Variants in RAB20 observed in about 807,000 individuals in gnomAD.
The protein encoded by RAB20 is ras-related protein Rab-20.
Under a neutral mutation model 3.7 loss-of-function variants are expected in RAB20, and 2 were observed. The ratio of observed to expected loss-of-function variants is 0.54; its 90% CI spans 0.22 to 1.69. The LOEUF is 1.69. Among genes scored for constraint, RAB20 ranks in the 40% most tolerant of loss-of-function variants. The pLI is 0.19. For synonymous variants in RAB20, 126 were observed against 130.8 expected (o/e 0.96, Z 0.25); for missense variants, 276 against 311.9 (o/e 0.88, Z 0.87).
chr13:110,550,175 G>A (rs1044545497), intron 1 of RAB20, among the ~76,000 whole-genome samples: 1 of 152,152 alleles, frequency 6.6e-6, no homozygotes, highest in Admixed American at 6.5e-5. Flanking sequence ...TCACCCCCAT[G>A]CCACAAGGGC....
intron 1 of RAB20, among the ~76,000 whole-genome samples, chr13:110,550,594 C>T (rs35653645): frequency 0.017 from 2,574 of 152,292 alleles, 31 homozygotes; most frequent in Middle Eastern, 0.024. Context: ...CACCTTTGCT[C>T]ACAGGAGTTT....
rs1466179386 is a variant in RAB20, at chr13:110,561,382, C to T, written c.138G>A (p.Trp46Ter). ...TVGGAFYLKQWRSYNISIWDT... is the reference protein window; with the variant it reads ...TVGGAFYLKQ ...CCCAGATGGAGATGTTGTAGGAGCG[C>T]CACTGCTTCAGGTAGAAGGCGCCGC... is the stretch of plus-strand genomic sequence containing the variant. The change falls in exon 1 of 2, where the codon TGG (tryptophan) becomes TGA (stop). Residue 46 changes from tryptophan (W) to a stop codon, truncating the protein, a stop_gained. Transcript: ENST00000267328. LOFTEE classifies it low-confidence loss of function (END_TRUNC). 1.2e-6 allele frequency: 2 copies of T among 1,609,358 alleles called. No homozygotes were observed. The highest frequency in any genetic ancestry group is 1.7e-6 in the Non-Finnish European group (2 of 1,177,930).
At chr13:110,549,818 G>A (rs1266858227) in intron 1 of RAB20, among the ~76,000 whole-genome samples, 1 of 152,060 alleles carries the variant, frequency 6.6e-6, no homozygotes, top group Non-Finnish European at 1.5e-5. Context: ...CCGCCTCCTG[G>A]GTTCGAACGA....
intron 1 of RAB20, among the ~76,000 whole-genome samples, chr13:110,524,802 C>A (rs998530145): frequency 6.6e-6 from 1 of 152,132 alleles, no homozygotes; most frequent in South Asian, 2.1e-4. Context: ...GCGGTGCTCA[C>A]GATATTTTTA....
At chr13:110,534,990 C>T (rs1392295766) in intron 1 of RAB20, among the ~76,000 whole-genome samples, 4 of 140,082 alleles carry the variant, frequency 2.9e-5, no homozygotes, top group African/African-American at 8.3e-5. Context: ...TGTACCACCA[C>T]GCCTGGCTAA....
intron 1 of RAB20, among the ~76,000 whole-genome samples, chr13:110,543,839 G>A (rs1050315046): frequency 1.3e-5 from 2 of 149,822 alleles, no homozygotes; most frequent in East Asian, 2.0e-4. Context: ...ACAGTGGTGC[G>A]ATCTCGGCTC....
intron 1 of RAB20, among the ~76,000 whole-genome samples, chr13:110,540,997 A>G (rs771027828): frequency 2.0e-5 from 3 of 152,158 alleles, no homozygotes; most frequent in Non-Finnish European, 4.4e-5. Context: ...GTTAAAGTAC[A>G]GAATCTGGCT....
intron 1 of RAB20, among the ~76,000 whole-genome samples, chr13:110,559,695 G>T (rs1366930220): frequency 6.6e-6 from 1 of 152,230 alleles, no homozygotes; most frequent in African/African-American, 2.4e-5. Flanking sequence ...CCCCAGTAAC[G>T]CTTCAAGACA....
chr13:110,534,042 C>T (rs1337693325), intron 1 of RAB20, among the ~76,000 whole-genome samples: 2 of 152,226 alleles, frequency 1.3e-5, no homozygotes, highest in African/African-American at 2.4e-5. Flanking sequence ...GGTCGGGCCC[C>T]GGTGCCCAGC....
chr13:110,537,247 T>C (rs1454246771), intron 1 of RAB20, among the ~76,000 whole-genome samples: 2 of 151,746 alleles, frequency 1.3e-5, no homozygotes, highest in Non-Finnish European at 2.9e-5. Flanking sequence ...TCCTCCCACA[T>C]TGGCCTCCCA....
Position 110,561,351 on chromosome 13 carries a change from C to A in RAB20, c.169G>T (p.Ala57Ser). 6.2e-7 allele frequency: 1 copy of A among 1,600,324 alleles called. No individual in the cohort carries two copies. Among genetic ancestry groups the A allele is most frequent in the African/African-American group, 1.4e-5 (1 of 73,788 alleles). Reference protein sequence around the residue: ...RSYNISIWDTAGREQFHGLGS... With the variant: ...RSYNISIWDTSGREQFHGLGS... ...GCTCATGCGGCGCCGGCCTCACCTG[C>A]GGTGTCCCAGATGGAGATGTTGTAG... Residue 57 changes from alanine (A) to serine (S), a missense_variant, in exon 1 of 2, where the codon GCA (alanine) becomes TCA (serine). Transcript: ENST00000267328.
intron 1 of RAB20, among the ~76,000 whole-genome samples, chr13:110,539,561 T>G (rs1566587234): frequency 2.1e-5 from 3 of 139,712 alleles, no homozygotes; most frequent in African/African-American, 7.8e-5. Context: ...TTTTGGGTTT[T>G]TTGTTTTTTT....
intron 1 of RAB20, among the ~76,000 whole-genome samples, chr13:110,525,305 AG>A (rs1319047237): frequency 1.3e-5 from 2 of 152,256 alleles, no homozygotes; most frequent in African/African-American, 4.8e-5. Flanking sequence ...ATGGCTAAAA[AG>A]GAAGATTAAA....
At chr13:110,558,823 G>C (rs1167673639) in intron 1 of RAB20, among the ~76,000 whole-genome samples, 1 of 148,172 alleles carries the variant, frequency 6.7e-6, no homozygotes, top group African/African-American at 2.5e-5. Flanking sequence ...TCAGCCTCCC[G>C]AGTAGCTGGG....
intron 1 of RAB20, among the ~76,000 whole-genome samples, chr13:110,525,393 G>C (rs1884411338): frequency 6.6e-6 from 1 of 152,182 alleles, no homozygotes; most frequent in African/African-American, 2.4e-5. Flanking sequence ...CTCCCCACAG[G>C]TAACACCTGC....
At chr13:110,558,508 C>T (rs908711898) in intron 1 of RAB20, among the ~76,000 whole-genome samples, 32 of 151,438 alleles carry the variant, frequency 2.1e-4, no homozygotes, top group Non-Finnish European at 4.1e-4. Flanking sequence ...CACAGCCTCC[C>T]AAGTAGCTAG....
intron 1 of RAB20, among the ~76,000 whole-genome samples, chr13:110,534,985 C>T (rs544138048): frequency 1.4e-5 from 2 of 146,752 alleles, no homozygotes; most frequent in Admixed American, 6.9e-5. Flanking sequence ...AGGTGTGTAC[C>T]ACCACGCCTG....
chr13:110,550,826 C>A (rs1207112630), intron 1 of RAB20, among the ~76,000 whole-genome samples: 4 of 152,076 alleles, frequency 2.6e-5, no homozygotes, highest in Admixed American at 2.6e-4. Flanking sequence ...GAAACACAGT[C>A]CTGGTATGTT....
At chr13:110,537,786 G>A (rs924808553) in intron 1 of RAB20, among the ~76,000 whole-genome samples, 1 of 152,038 alleles carries the variant, frequency 6.6e-6, no homozygotes, top group Non-Finnish European at 1.5e-5. Context: ...CCAGGACCCT[G>A]CGGGGCTCAG....
Sources: gnomAD v4.1 joint callset for allele counts (sites outside exome capture counted in the v4.1 genomes callset) on GRCh38, gnomAD v4.1.1 for gene constraint, MANE v1.5 for transcripts, NCBI Gene and HGNC (gene_info 2026-07-23, HGNC 2026-07-21) for gene names.